TBXAS1: variants seen among roughly 807,000 people sequenced by gnomAD.
TBXAS1 encodes the protein thromboxane A synthase 1.
A neutral mutation model predicts 60.7 loss-of-function variants in TBXAS1; 48 were observed. The ratio of observed to expected loss-of-function variants is 0.79; its 90% CI spans 0.63 to 1.01. TBXAS1 has a LOEUF of 1.01. Among genes scored for constraint, TBXAS1 ranks in the 50% least tolerant of loss-of-function variants. TBXAS1 has a pLI of 0.00. For missense variants in TBXAS1, 685 were observed against 686.3 expected, an observed-to-expected ratio of 1.00 and a Z score of 0.02; for synonymous variants, 287 against 269.7, an observed-to-expected ratio of 1.06 and a Z score of -0.63.
chr7:139,952,050 G>T, intron 5 of TBXAS1, among the ~76,000 whole-genome samples: 1 of 151,982 alleles, frequency 6.6e-6, no homozygotes, highest in Non-Finnish European at 1.5e-5. Flanking sequence ...GGAAGGATGG[G>T]AACAGTTGTC....
intron 3 of TBXAS1, among the ~76,000 whole-genome samples, chr7:139,882,736 G>A (rs151087534): frequency 1.3e-5 from 2 of 152,218 alleles, no homozygotes; most frequent in African/African-American, 2.4e-5. Context: ...GCAATATTTG[G>A]GTCCCCTAGC....
intron 4 of TBXAS1, among the ~76,000 whole-genome samples, chr7:139,821,678 A>G (rs563666204): frequency 8.5e-5 from 13 of 152,330 alleles, no homozygotes; most frequent in Non-Finnish European, 1.5e-4. Flanking sequence ...GGGACCCACA[A>G]TGAGTGGCAC....
At chr7:139,938,203 C>T (rs997337437) in intron 5 of TBXAS1, among the ~76,000 whole-genome samples, 1 of 152,142 alleles carries the variant, frequency 6.6e-6, no homozygotes, top group South Asian at 2.1e-4. Context: ...GGGTCTGATA[C>T]AGTGTAGACA....
At chr7:139,986,739 ACATACATATATATATATGTGTGTG>A (rs1354313318) in intron 9 of TBXAS1, among the ~76,000 whole-genome samples, 3 of 41,608 alleles carry the variant, frequency 7.2e-5, no homozygotes, top group African/African-American at 3.6e-4. Flanking sequence ...ATATATATAT[ACATACATATATATATATGTGTGTG>A]TGTGTGTGTG....
At chr7:139,913,432 A>G (rs1276757385) in intron 4 of TBXAS1, 2 of 419,698 alleles carry the variant, frequency 4.8e-6, no homozygotes, top group Non-Finnish European at 8.9e-6. Flanking sequence ...GGAGCCTGTC[A>G]TAGCACTTGA....
At chr7:139,958,954 A>C (rs1810103292) in intron 8 of TBXAS1, among the ~76,000 whole-genome samples, 1 of 152,284 alleles carries the variant, frequency 6.6e-6, no homozygotes, top group East Asian at 1.9e-4. Flanking sequence ...GGATAAAGAA[A>C]GAACCATTTT....
At chr7:139,988,400 G>T (rs182770046) in intron 9 of TBXAS1, among the ~76,000 whole-genome samples, 2 of 152,190 alleles carry the variant, frequency 1.3e-5, no homozygotes, top group African/African-American at 4.8e-5. Context: ...TCACAGTCAT[G>T]GTCCCACCTG....
At chr7:139,846,263 T>C (rs1042264366) in intron 1 of TBXAS1, among the ~76,000 whole-genome samples, 11 of 152,198 alleles carry the variant, frequency 7.2e-5, no homozygotes, top group African/African-American at 2.2e-4. Flanking sequence ...TAAAAACACT[T>C]CACTCTTTCT....
At position 139,778,660 on chromosome 7, in the gene TBXAS1, ATCT is replaced by A. The variant is rs1033442934; in HGVS notation, c.-318+193_-318+195del. On this transcript the variant is annotated intron_variant, in intron 1 of 16. Coordinates refer to the TBXAS1 transcript ENST00000336425. This position sits in a 1 kb window ranked among gnomAD's most constrained non-coding sequence, Gnocchi z 4.8. ...GGAGTCTGGCTTCCACGCCACCCTG[ATCT>A]TCTCCTCCTCGCGTCTACACTGTCC... Among the ~76,000 whole-genome samples, 1 of 151,132 alleles carries A rather than the reference ATCT, an allele frequency of 6.6e-6. No individual in the cohort carries two copies. Among genetic ancestry groups the A allele is most frequent in the Admixed American group, 6.6e-5 (1 of 15,212 alleles).
At chr7:139,965,629 C>T (rs1463146909) in intron 9 of TBXAS1, among the ~76,000 whole-genome samples, 1 of 152,004 alleles carries the variant, frequency 6.6e-6, no homozygotes, top group South Asian at 2.1e-4. Context: ...GGCTCGGATC[C>T]CTCTTCCAAG....
At chr7:139,804,562 A>G (rs1393550152) in intron 4 of TBXAS1, among the ~76,000 whole-genome samples, 1 of 152,136 alleles carries the variant, frequency 6.6e-6, no homozygotes, top group South Asian at 2.1e-4. Context: ...GCAGAATTAT[A>G]TGGTTTGGCT....
intron 4 of TBXAS1, among the ~76,000 whole-genome samples, chr7:139,923,967 C>T (rs1806689350): frequency 6.6e-6 from 1 of 152,148 alleles, no homozygotes; most frequent in Non-Finnish European, 1.5e-5. Flanking sequence ...TTGCAAATGG[C>T]AGGCTTTTAT....
intron 9 of TBXAS1, among the ~76,000 whole-genome samples, chr7:139,968,540 C>T (rs890638147): frequency 1.1e-4 from 16 of 152,332 alleles, no homozygotes; most frequent in African/African-American, 3.8e-4. Context: ...AGTGATCCGC[C>T]TGCCTCAGCC....
chr7:139,956,156 TA>T (rs536055868), intron 7 of TBXAS1, among the ~76,000 whole-genome samples: 164 of 152,166 alleles, frequency 1.1e-3, no homozygotes, highest in African/African-American at 3.8e-3. Context: ...TTATTATTAT[TA>T]TTTTTTTAGA....
At chr7:139,974,249 C>T (rs559632482) in intron 9 of TBXAS1, among the ~76,000 whole-genome samples, 2 of 152,254 alleles carry the variant, frequency 1.3e-5, no homozygotes, top group South Asian at 2.1e-4. Context: ...CTAGATATCC[C>T]GGCCCCCAGT....
intron 1 of TBXAS1, among the ~76,000 whole-genome samples, chr7:139,837,828 A>C (rs560779050): frequency 1.3e-5 from 2 of 152,152 alleles, no homozygotes; most frequent in African/African-American, 4.8e-5. Flanking sequence ...AAAAACAAAA[A>C]CAAAACAAAA....
At chr7:140,016,178 C>A (rs976345478) in intron 11 of TBXAS1, among the ~76,000 whole-genome samples, 16 of 151,782 alleles carry the variant, frequency 1.1e-4, no homozygotes, top group East Asian at 1.9e-4. Context: ...AATACAAAAA[C>A]TTAGCTGGGC....
chr7:139,805,028 CT>C (rs1168908055), intron 4 of TBXAS1, among the ~76,000 whole-genome samples: 3 of 152,212 alleles, frequency 2.0e-5, no homozygotes, highest in Non-Finnish European at 4.4e-5. Flanking sequence ...TAGAATAATC[CT>C]TTTCCATCTT....
In TBXAS1 at chr7:139,852,935, TACACACACACACACACACACAC is replaced by T. The variant is rs57545948; in HGVS notation, c.90-19266_90-19245del. Among the ~76,000 whole-genome samples the T allele has an allele frequency of 1.5e-3, 197 of 127,500 alleles. No individual in the cohort carries two copies. Among genetic ancestry groups the T allele is most frequent in the African/African-American group, 1.0e-3 (36 of 34,600 alleles). 83.6% of individuals were successfully genotyped at this position (127,500 alleles called of 152,430 possible). On this transcript the variant is annotated intron_variant, in intron 1 of 12. Transcript: ENST00000448866. The surrounding 1 kb of genome is among the most constrained non-coding windows in gnomAD (Gnocchi z 4.4). ...TGTGTACCAACCTTGGCTACTCCAA[TACACACACACACACACACACAC>T]ACACACACACACACACACACACACA... is the stretch of plus-strand genomic sequence containing the variant.
Sources: gnomAD v4.1 joint callset for allele counts (sites outside exome capture counted in the v4.1 genomes callset) on GRCh38, gnomAD v4.1.1 for gene constraint, Gnocchi (gnomAD v3.1) non-coding constraint, MANE v1.5 for transcripts, NCBI Gene and HGNC (gene_info 2026-07-23, HGNC 2026-07-21) for gene names.